PTH2R: variants seen among roughly 807,000 people sequenced by gnomAD.
PTH2R encodes the protein parathyroid hormone 2 receptor.
In PTH2R, 59 loss-of-function variants were observed where a neutral mutation model predicts 60.3. The observed-to-expected ratio is 0.98, with a 90% CI of 0.79 to 1.22. The LOEUF is 1.22. PTH2R is among the 50% of genes most tolerant of loss of function. The pLI is 0.00. For synonymous variants in PTH2R, 256 were observed against 243.8 expected (o/e 1.05, Z -0.47); for missense variants, 749 against 682.6 (o/e 1.10, Z -1.08).
intron 1 of PTH2R, among the ~76,000 whole-genome samples, chr2:208,364,244 T>G (rs1700536232): frequency 6.6e-6 from 1 of 152,224 alleles, no homozygotes; most frequent in Non-Finnish European, 1.5e-5. Context: ...TTTGTCCATT[T>G]TTTTTGGTTG....
intron 1 of PTH2R, among the ~76,000 whole-genome samples, chr2:208,421,171 G>C (rs967121597): frequency 2.0e-5 from 3 of 152,152 alleles, no homozygotes; most frequent in African/African-American, 7.2e-5. Context: ...AACTGTGTAT[G>C]AGCCATACCA....
upstream of PTH2R, among the ~76,000 whole-genome samples, chr2:208,405,913 C>T (rs1447244457): frequency 6.6e-6 from 1 of 152,208 alleles, no homozygotes; most frequent in Non-Finnish European, 1.5e-5. Context: ...TTTTATCAGA[C>T]ACTGAATCTG....
intron 1 of PTH2R, among the ~76,000 whole-genome samples, chr2:208,389,776 T>C (rs1174105760): frequency 1.3e-5 from 2 of 152,090 alleles, no homozygotes; most frequent in South Asian, 4.2e-4. Flanking sequence ...TCTTTGAAGA[T>C]AGATTTCTTT....
chr2:208,383,803 G>T (rs549113788), intron 1 of PTH2R, among the ~76,000 whole-genome samples: 26 of 152,288 alleles, frequency 1.7e-4, no homozygotes, highest in African/African-American at 5.8e-4. Flanking sequence ...TGAGACTCGG[G>T]TATCATCGCA....
chr2:208,488,004 A>T (rs937580144), intron 10 of PTH2R, among the ~76,000 whole-genome samples: 2 of 152,300 alleles, frequency 1.3e-5, no homozygotes, highest in Admixed American at 6.5e-5. Context: ...TCTTGCCTAC[A>T]CTTAGAGGGA....
intron 1 of PTH2R, among the ~76,000 whole-genome samples, chr2:208,383,886 C>T (rs925069063): frequency 6.6e-6 from 1 of 152,164 alleles, no homozygotes; most frequent in Non-Finnish European, 1.5e-5. Flanking sequence ...TGTCTGTTTG[C>T]CATGATGAAG....
intron 1 of PTH2R, among the ~76,000 whole-genome samples, chr2:208,367,379 C>G (rs1311054996): frequency 6.6e-6 from 1 of 151,416 alleles, no homozygotes; most frequent in Non-Finnish European, 1.5e-5. Context: ...CCTGGCTTCA[C>G]TCCTTCAAAT....
chr2:208,462,817 G>A (rs1250233704), intron 9 of PTH2R, among the ~76,000 whole-genome samples: 1 of 152,224 alleles, frequency 6.6e-6, no homozygotes, highest in East Asian at 1.9e-4. Flanking sequence ...CCAAGGTTGA[G>A]CGTGGGTGTG....
intron 6 of PTH2R, among the ~76,000 whole-genome samples, 181 bp downstream of exon 6, chr2:208,443,718 C>A (rs2105872116): frequency 6.6e-6 from 1 of 152,258 alleles, no homozygotes; most frequent in South Asian, 2.1e-4. Flanking sequence ...TCTAATCAAT[C>A]ATTTTATTAA....
chr2:208,489,108 G>A lies in PTH2R; in HGVS notation c.1173G>A (p.Trp391Ter). The A allele has an allele frequency of 6.2e-7, 1 of 1,614,094 alleles. No individual in the cohort carries two copies. ...CTCACTCCTTCACTGGGCTCGGGTG[G>A]GAGATCCGCATGCACTGTGAGCTCT... Reference protein sequence around the residue: ...CLPHSFTGLGWEIRMHCELFF... With the variant: ...CLPHSFTGLG Residue 391 changes from tryptophan (W) to a stop codon, truncating the protein, a stop_gained, in exon 11 of 13, where the codon TGG becomes TGA. Transcript: ENST00000272847. LOFTEE classifies it high-confidence loss of function.
At chr2:208,455,051 G>T (rs1350876151) in intron 8 of PTH2R, among the ~76,000 whole-genome samples, 4 of 152,238 alleles carry the variant, frequency 2.6e-5, no homozygotes, top group Non-Finnish European at 5.9e-5. Flanking sequence ...TCTAAAACTT[G>T]CTGGCTTTGC....
upstream of PTH2R, among the ~76,000 whole-genome samples, chr2:208,405,121 G>A (rs541161356): frequency 1.1e-4 from 16 of 152,268 alleles, no homozygotes; most frequent in Middle Eastern, 3.4e-3. Flanking sequence ...CCATTAAAAA[G>A]ATGGATTCTT....
intron 9 of PTH2R, among the ~76,000 whole-genome samples, chr2:208,474,281 A>C (rs1049143987): frequency 3.3e-5 from 5 of 152,092 alleles, no homozygotes; most frequent in African/African-American, 1.2e-4. Context: ...ATACGGCAGT[A>C]ATACTACTAC....
intron 9 of PTH2R, 138 bp downstream of exon 9, chr2:208,460,099 T>G: frequency 1.4e-6 from 1 of 710,530 alleles, no homozygotes; most frequent in South Asian, 1.9e-5. Context: ...ATTGGGAGAG[T>G]CTGGGACAGA....
At chr2:208,365,093 A>G (rs980613934) in intron 1 of PTH2R, among the ~76,000 whole-genome samples, 1 of 150,576 alleles carries the variant, frequency 6.6e-6, no homozygotes, top group Non-Finnish European at 1.5e-5. Context: ...TTTTCTGCAT[A>G]TAAGATCATG....
At chr2:208,409,868 T>C (rs987765507) in intron 1 of PTH2R, among the ~76,000 whole-genome samples, 1 of 152,208 alleles carries the variant, frequency 6.6e-6, no homozygotes, top group Non-Finnish European at 1.5e-5. Flanking sequence ...ACTGTGTTAG[T>C]GGATCCTCCT....
chr2:208,484,775 C>G (rs866329672), intron 10 of PTH2R, among the ~76,000 whole-genome samples: 1 of 152,014 alleles, frequency 6.6e-6, no homozygotes, highest in Non-Finnish European at 1.5e-5. Context: ...GTTTTAAGGC[C>G]GCATCCATCA....
In PTH2R at chr2:208,493,355, C is replaced by T; in HGVS notation, c.1349C>T (p.Ser450Leu). Residue 450 changes from serine (S) to leucine (L), a missense_variant, in exon 13 of 13, where the codon TCA becomes TTA. Physicochemically the swap from Ser to Leu is moderately radical, Grantham distance 145. Coordinates refer to ENST00000272847, the MANE Select transcript of PTH2R (RefSeq NM_005048.4). ...CCATGTGGCAGCCGCAGATGCGGCT[C>T]AGTGCTCACCACCGTGACGCACAGC... Reference protein sequence around the residue: ...TPPCGSRRCGSVLTTVTHSTS... With the variant: ...TPPCGSRRCGLVLTTVTHSTS... The T allele has an allele frequency of 6.3e-7, 1 of 1,595,770 alleles. No homozygotes were observed. The highest frequency in any genetic ancestry group is 8.6e-7 in the Non-Finnish European group (1 of 1,168,210).
At chr2:208,362,967 T>C (rs1700508171) in intron 1 of PTH2R, among the ~76,000 whole-genome samples, 1 of 152,138 alleles carries the variant, frequency 6.6e-6, no homozygotes, top group South Asian at 2.1e-4. Context: ...TGCTTGTTGG[T>C]CATTTATATA....
Sources: gnomAD v4.1 joint callset for allele counts (sites outside exome capture counted in the v4.1 genomes callset) on GRCh38, gnomAD v4.1.1 for gene constraint, MANE v1.5 for transcripts, NCBI Gene and HGNC (gene_info 2026-07-23, HGNC 2026-07-21) for gene names.